HCRTR2: variants seen among roughly 807,000 people sequenced by gnomAD.
HCRTR2 encodes the protein orexin receptor type 2.
A neutral mutation model predicts 49.0 loss-of-function variants in HCRTR2; 22 were observed. That is an observed-to-expected ratio of 0.45 (90% confidence interval 0.32 to 0.64). The LOEUF (loss-of-function observed/expected upper bound fraction) is 0.64. HCRTR2 is among the 30% of genes least tolerant of loss of function. The pLI is 0.04. For missense variants in HCRTR2, 491 were observed against 559.4 expected (o/e 0.88, Z 1.23); for synonymous variants, 236 against 205.3 (o/e 1.15, Z -1.28).
chr6:55,157,905 G>C (rs553194701), intron 1 of HCRTR2, among the ~76,000 whole-genome samples: 2 of 152,300 alleles, frequency 1.3e-5, no homozygotes, highest in East Asian at 1.9e-4. Flanking sequence ...TTCCAAGAAA[G>C]ATAGGCACAA....
rs140807149 is a variant in HCRTR2 at position 55,249,807 on chromosome 6, T to C, written c.402+990T>C. On this transcript the variant is annotated intron_variant, in intron 2 of 6. Transcript: ENST00000370862. ...CACTCATCCATCCTAAAAGATGGAT[T>C]TCCCTTAGGAATTGGACAGCAAATG... Among the ~76,000 whole-genome samples the C allele has an allele frequency of 6.6e-3, 1,001 of 152,244 alleles. 8 individuals are homozygous for C. Among genetic ancestry groups the C allele is most frequent in the Middle Eastern group, 0.031 (9 of 294 alleles).
At chr6:55,129,910 T>A (rs1028947693) in intron 1 of HCRTR2, among the ~76,000 whole-genome samples, 1 of 152,058 alleles carries the variant, frequency 6.6e-6, no homozygotes, top group African/African-American at 2.4e-5. Context: ...GTCTCCCTAC[T>A]CTTCTATTTC....
chr6:55,209,686 C>A (rs1765663646), intron 1 of HCRTR2, among the ~76,000 whole-genome samples: 1 of 152,164 alleles, frequency 6.6e-6, no homozygotes, highest in Admixed American at 6.6e-5. Flanking sequence ...AAGTTCCTTA[C>A]TCTCTTCTCT....
intron 1 of HCRTR2, among the ~76,000 whole-genome samples, chr6:55,187,016 A>G (rs1765227453): frequency 6.6e-6 from 1 of 152,152 alleles, no homozygotes; most frequent in Non-Finnish European, 1.5e-5. Context: ...AGAGAATAGG[A>G]GAAACACTAA....
intron 2 of HCRTR2, among the ~76,000 whole-genome samples, chr6:55,254,361 T>C (rs1766609622): frequency 6.6e-6 from 1 of 152,100 alleles, no homozygotes; most frequent in South Asian, 2.1e-4. Flanking sequence ...TAACTAATAA[T>C]GTGGATATAT....
chr6:55,182,951 A>G (rs773370607), intron 1 of HCRTR2, among the ~76,000 whole-genome samples: 1 of 152,196 alleles, frequency 6.6e-6, no homozygotes, highest in Non-Finnish European at 1.5e-5. Context: ...GAACAAGATA[A>G]TTTGGAGGAA....
rs1453152014 is a variant in HCRTR2 at position 55,255,392 on chromosome 6, T to C, written c.646+13T>C. The stretch of plus-strand genomic sequence containing the variant: ...GAGCGCTGGGGTGGTAAGTACCTTA[T>C]GGCCCATCAACTGACATTTATATTA... On this transcript the variant is annotated intron_variant, in intron 3 of 6. Coordinates refer to ENST00000370862, the MANE Select transcript of HCRTR2 (RefSeq NM_001384272.1). 3 of 1,613,870 alleles carry C rather than the reference T, an allele frequency of 1.9e-6. No individual in the cohort carries two copies. The highest frequency in any genetic ancestry group is 2.2e-5 in the East Asian group (1 of 44,866).
At chr6:55,177,358 A>C (rs909689571) in intron 1 of HCRTR2, among the ~76,000 whole-genome samples, 6 of 152,198 alleles carry the variant, frequency 3.9e-5, no homozygotes, top group Middle Eastern at 3.2e-3. Context: ...ATTTAAACAA[A>C]CGAGTAGTGT....
upstream of HCRTR2, among the ~76,000 whole-genome samples, chr6:55,172,282 G>A (rs981245988): frequency 3.9e-5 from 6 of 152,094 alleles, no homozygotes; most frequent in African/African-American, 1.2e-4. Context: ...CATTTCTAAT[G>A]TGACCTTTGG....
At chr6:55,280,974 T>C (rs2811242) in intron 6 of HCRTR2, among the ~76,000 whole-genome samples, 152,223 of 152,316 alleles carry the variant, frequency 1, 76,065 homozygotes, top group Middle Eastern at 1. Context: ...CATACATATA[T>C]GTGTAACTTA....
chr6:55,196,712 G>C (rs1197701723), intron 1 of HCRTR2, among the ~76,000 whole-genome samples: 1 of 152,110 alleles, frequency 6.6e-6, no homozygotes, highest in Admixed American at 6.6e-5. Flanking sequence ...AAGAAAAAGA[G>C]AGAAAATGAG....
chr6:55,131,999 C>T (rs1764364535), intron 1 of HCRTR2, among the ~76,000 whole-genome samples: 2 of 151,766 alleles, frequency 1.3e-5, no homozygotes. Flanking sequence ...AATTCATACT[C>T]TCAGCAAGGT....
chr6:55,222,427 A>G (rs1179998145), intron 1 of HCRTR2, among the ~76,000 whole-genome samples: 1 of 152,162 alleles, frequency 6.6e-6, no homozygotes, highest in East Asian at 1.9e-4. Flanking sequence ...CAGTAATCCC[A>G]CTTTTAGATA....
chr6:55,282,670 C>A, downstream of HCRTR2: 1 of 557,160 alleles, frequency 1.8e-6, no homozygotes, highest in South Asian at 2.3e-5. Flanking sequence ...TTCAATTGAG[C>A]TTATTTCAGG....
intron 1 of HCRTR2, among the ~76,000 whole-genome samples, chr6:55,201,226 G>C (rs951068767): frequency 6.6e-6 from 1 of 152,012 alleles, no homozygotes; most frequent in Non-Finnish European, 1.5e-5. Context: ...GGTGCCATTT[G>C]TCCTTCTCTG....
At position 55,141,457 on chromosome 6, in the gene HCRTR2, G is replaced by C. The variant is rs184567248; in HGVS notation, c.-377-32754G>C. The stretch of plus-strand genomic sequence containing the variant: ...CAGATACCTAAGTTTACAAAGTGAA[G>C]TTAGAAGAAGAGATACATATAAATT... On this transcript the variant is annotated intron_variant, in intron 1 of 7. Transcript: ENST00000615358. 5.4e-3 allele frequency among the ~76,000 whole-genome samples: 819 copies of C among 152,280 alleles called. 6 individuals carry two copies. The highest frequency in any genetic ancestry group is 0.017 in the Middle Eastern group (5 of 294).
chr6:55,128,651 A>G (rs1185105146), intron 1 of HCRTR2, among the ~76,000 whole-genome samples: 1 of 152,156 alleles, frequency 6.6e-6, no homozygotes, highest in African/African-American at 2.4e-5. Context: ...AGTTAGCAGT[A>G]TTCCTAAATA....
intron 1 of HCRTR2, among the ~76,000 whole-genome samples, chr6:55,112,550 A>C (rs75592361): frequency 8.5e-6 from 1 of 118,046 alleles, no homozygotes; most frequent in African/African-American, 3.9e-5. Context: ...AATAGCTGCA[A>C]AAAAAAAAAA....
At chr6:55,111,348 A>G (rs9475144) in intron 1 of HCRTR2, among the ~76,000 whole-genome samples, 5,049 of 137,698 alleles carry the variant, frequency 0.037, 285 homozygotes, top group African/African-American at 0.12. Context: ...AATTGAAACA[A>G]AAAACATAAG....
Sources: allele counts gnomAD v4.1 joint callset (sites outside exome capture counted in the v4.1 genomes callset), GRCh38; gene constraint gnomAD v4.1.1; transcripts MANE v1.5; gene names NCBI Gene and HGNC (gene_info 2026-07-23, HGNC 2026-07-21).